The following DLG4 variants were observed in gnomAD, a reference collection of about 807,000 sequenced individuals.
DLG4 encodes the protein disks large homolog 4.
In DLG4, 7 loss-of-function variants were observed where a neutral mutation model predicts 93.8. The observed-to-expected ratio is 0.07, with a 90% CI of 0.04 to 0.14. DLG4 has a LOEUF of 0.14. Among genes scored for constraint, DLG4 ranks in the 10% least tolerant of loss-of-function variants. DLG4 has a pLI of 1.00. For missense variants in DLG4, 545 were observed against 992.9 expected, an observed-to-expected ratio of 0.55 and a Z score of 6.06; for synonymous variants, 341 against 387.6, an observed-to-expected ratio of 0.88 and a Z score of 1.41.
chr17:7,204,884 CTCTAAGGACCGTGTTGCCTAGCAACGGTA>C, intron 2 of DLG4: 1 of 941,066 alleles, frequency 1.1e-6, no homozygotes, highest in Non-Finnish European at 1.3e-6. Context: ...CCACCCCTTC[CTCTAAGGACCGTGTTGCCTAGCAACGGTA>C]TCTAGGACCA....
rs112898533 is a variant in DLG4, at chr17:7,207,477, A to G, written c.96+697T>C. ...CCATGTGAAGTCTCAGGCCAGACAG[A>G]TGGAAAGAGCTGGAGACTTGGGGAC... On this transcript the variant is annotated intron_variant, in intron 2 of 19. Transcript: ENST00000399506. 2.9e-3 allele frequency among the ~76,000 whole-genome samples: 436 copies of G among 151,972 alleles called. 5 individuals carry two copies. Among genetic ancestry groups the G allele is most frequent in the African/African-American group, 9.7e-3 (403 of 41,488 alleles).
rs114091993 is a variant in DLG4 at position 7,195,590 on chromosome 17, A to G, written c.1301+630T>C. On this transcript the variant is annotated intron_variant, in intron 11 of 19. Coordinates refer to ENST00000399506, the MANE Select transcript of DLG4 (RefSeq NM_001321075.3). The surrounding 1 kb of genome is among the most constrained non-coding windows in gnomAD (Gnocchi z 4.3). ...CCAGAAAGCCAATGGCCAGAAGTGC[A>G]GGTCTTGACCTCTGGAAATAGGTCA... Among the ~76,000 whole-genome samples, 1,420 of 152,312 alleles carry G rather than the reference A, an allele frequency of 9.3e-3. 25 individuals are homozygous for G. Among genetic ancestry groups the G allele is most frequent in the African/African-American group, 0.032 (1,316 of 41,566 alleles).
chr17:7,216,006 G>C (rs1426998534), intron 1 of DLG4, among the ~76,000 whole-genome samples: 1 of 150,954 alleles, frequency 6.6e-6, no homozygotes, highest in Admixed American at 6.6e-5. Context: ...ATCCCACCAG[G>C]AGCTCGCCTG....
rs2069671251 is a variant in DLG4, at chr17:7,194,561, C to T, written c.1302-66G>A. 13 of 1,526,802 alleles carry T rather than the reference C, an allele frequency of 8.5e-6. No homozygotes were observed. The East Asian group carries it at 3.2e-4, about 37-fold the overall frequency. The allele number at this position is 1,526,802 out of a possible 1,614,324, so 94.6% of individuals were successfully genotyped here. A position where few individuals can be genotyped will look rare whatever the true frequency, so the allele number is the denominator to read the frequency against. On this transcript the variant is annotated intron_variant, in intron 11 of 19. Coordinates refer to ENST00000399506, the MANE Select transcript of DLG4 (RefSeq NM_001321075.3). This position sits in a 1 kb window ranked among gnomAD's most constrained non-coding sequence, Gnocchi z 4.4. ...CTCCAGGAAGGATGCCCCAGTCACCCAAAGACCCGGCCCAGAGGTCTGCAG... is the reference window on the plus strand; with the variant it reads ...CTCCAGGAAGGATGCCCCAGTCACCTAAAGACCCGGCCCAGAGGTCTGCAG...
intron 17 of DLG4, 61 bp from the exon 18 acceptor site, chr17:7,192,063 G>A: frequency 4.2e-6 from 4 of 956,526 alleles, no homozygotes; most frequent in Non-Finnish European, 6.0e-6. Flanking sequence ...ACAGAGAGCA[G>A]TGCCGGAGGG....
upstream of DLG4, chr17:7,219,375 G>A: frequency 9.9e-7 from 1 of 1,011,620 alleles, no homozygotes; most frequent in Non-Finnish European, 1.2e-6. Context: ...TTTACTAAGG[G>A]AGGGGCAGTG....
At chr17:7,204,411 ACACACACGCACACGCGTGCACATG>A in intron 2 of DLG4, 159 bp from the exon 3 acceptor site, 1 of 646,868 alleles carries the variant, frequency 1.5e-6, no homozygotes, top group Non-Finnish European at 2.7e-6. Flanking sequence ...AATCCACATC[ACACACACGCACACGCGTGCACATG>A]CGCACGCGCA....
chr17:7,197,300 C>T (rs2069844471), intron 8 of DLG4, among the ~76,000 whole-genome samples: 1 of 151,884 alleles, frequency 6.6e-6, no homozygotes, highest in Non-Finnish European at 1.5e-5. Context: ...CTCAGTATGC[C>T]AGGGATGGGG....
At chr17:7,219,775 C>G, upstream of DLG4, 5 of 1,488,628 alleles carry the variant, frequency 3.4e-6, no homozygotes, top group Non-Finnish European at 4.5e-6. Context: ...TTGGGGGAGA[C>G]GAGGGACGCT....
chr17:7,209,721 G>C (rs1469193248), intron 1 of DLG4, among the ~76,000 whole-genome samples: 1 of 152,178 alleles, frequency 6.6e-6, no homozygotes, highest in Admixed American at 6.5e-5. Flanking sequence ...AGTGAGCCAT[G>C]ATCACGCCAC....
Position 7,189,285 on chromosome 17 carries a change from T to A in DLG4, c.*1423A>T, listed in dbSNP as rs1000710148. On this transcript the variant is annotated 3_prime_UTR_variant, in exon 20 of 20. Transcript: ENST00000399506. ...GGCGGGTGGATAACAAGGTCAGGAGTTCAAGACCAGCCTGACCAACATGGT... is the reference window on the plus strand; with the variant it reads ...GGCGGGTGGATAACAAGGTCAGGAGATCAAGACCAGCCTGACCAACATGGT... Among the ~76,000 whole-genome samples, 11 of 149,424 alleles carry A rather than the reference T, an allele frequency of 7.4e-5. No individual in the cohort carries two copies. The highest frequency in any genetic ancestry group is 1.6e-4 in the Non-Finnish European group (11 of 67,268).
At chr17:7,207,981 C>T in intron 2 of DLG4, 193 bp downstream of exon 2, 2 of 1,090,124 alleles carry the variant, frequency 1.8e-6, no homozygotes. Context: ...TCCCCCTCCC[C>T]ACGGCTCTCT....
Position 7,193,626 on chromosome 17 carries a change from G to T in DLG4, c.1591+41C>A. On this transcript the variant is annotated intron_variant, in intron 15 of 19. Coordinates refer to ENST00000399506, the MANE Select transcript of DLG4 (RefSeq NM_001321075.3). This position sits in a 1 kb window ranked among gnomAD's most constrained non-coding sequence, Gnocchi z 6.7. ...GCTTAGGCCGAGCGCAGGGTTGGGG[G>T]AGCAGCAAGTGCTGGGGCCAAGGCA... The T allele has an allele frequency of 6.5e-7, 1 of 1,530,376 alleles. No individual in the cohort carries two copies. The highest frequency in any genetic ancestry group is 8.8e-7 in the Non-Finnish European group (1 of 1,141,284). 94.8% of individuals were successfully genotyped at this position (1,530,376 alleles called of 1,614,324 possible). A position where few individuals can be genotyped will look rare whatever the true frequency, so the allele number is the denominator to read the frequency against.
At chr17:7,200,901 C>T (rs1335382409) in intron 8 of DLG4, among the ~76,000 whole-genome samples, 1 of 145,576 alleles carries the variant, frequency 6.9e-6, no homozygotes, top group Non-Finnish European at 1.5e-5. Flanking sequence ...GCTCTATCGC[C>T]CAGGCTGGAG....
At position 7,196,226 on chromosome 17, in the gene DLG4, T is replaced by C; in HGVS notation, c.1295A>G (p.Tyr432Cys). Residue 432 changes from tyrosine (Y) to cysteine (C), a missense_variant, in exon 11 of 20, where the codon TAC (tyrosine) becomes TGC (cysteine). Tyr to Cys is a radical substitution (Grantham distance 194, BLOSUM62 -2). This residue lies in a region of DLG4 where 428 missense variants were observed against 741.4 expected (regional missense o/e 0.58). Transcript: ENST00000399506. The surrounding 1 kb of genome is among the most constrained non-coding windows in gnomAD (Gnocchi z 8.3). ...AGCCCGGGAAGCCTCTGACCTGATGTAGAAACCCCTTTTGGGGTTGCTCCG... is the reference window on the plus strand; with the variant it reads ...AGCCCGGGAAGCCTCTGACCTGATGCAGAAACCCCTTTTGGGGTTGCTCCG... The part of the protein sequence containing the change: ...SLRSNPKRGF[Y>C]IRALFDYDKT... 1 of 1,613,136 alleles carries C rather than the reference T, an allele frequency of 6.2e-7. No individual in the cohort carries two copies. The highest frequency in any genetic ancestry group is 8.5e-7 in the Non-Finnish European group (1 of 1,179,250).
Position 7,189,500 on chromosome 17 carries a change from C to A in DLG4, c.*1208G>T, listed in dbSNP as rs1295129146. Among the ~76,000 whole-genome samples, 4 of 150,794 alleles carry A rather than the reference C, an allele frequency of 2.7e-5. No individual in the cohort carries two copies. Among genetic ancestry groups the A allele is most frequent in the African/African-American group, 7.4e-5 (3 of 40,766 alleles). Reference sequence around the variant, plus strand: ...CAAGACTCTGTCTCAAAAAAAAAAACAAAAAAACAAAAAAAATCATTTCCA... The same window carrying A: ...CAAGACTCTGTCTCAAAAAAAAAAAAAAAAAAACAAAAAAAATCATTTCCA... On this transcript the variant is annotated 3_prime_UTR_variant, in exon 20 of 20. Coordinates refer to ENST00000399506, the MANE Select transcript of DLG4 (RefSeq NM_001321075.3).
In DLG4 at chr17:7,196,739, G is replaced by T. The variant is rs375667428; in HGVS notation, c.1083+18C>A. The T allele has an allele frequency of 6.3e-7, 1 of 1,594,316 alleles. No homozygotes were observed. The highest frequency in any genetic ancestry group is 1.3e-5 in the African/African-American group (1 of 74,488). On this transcript the variant is annotated intron_variant, in intron 9 of 19. Coordinates refer to ENST00000399506, the MANE Select transcript of DLG4 (RefSeq NM_001321075.3). The surrounding 1 kb of genome is among the most constrained non-coding windows in gnomAD (Gnocchi z 8.3). ...TGTGGGGAGGGGGTGGTGCAGGTAGGGGCAGGCCTTCCCTCACCGACAGGA... is the reference window on the plus strand; with the variant it reads ...TGTGGGGAGGGGGTGGTGCAGGTAGTGGCAGGCCTTCCCTCACCGACAGGA...
At chr17:7,198,385 A>G (rs892583854) in intron 8 of DLG4, among the ~76,000 whole-genome samples, 1 of 151,416 alleles carries the variant, frequency 6.6e-6, no homozygotes, top group Non-Finnish European at 1.5e-5. Flanking sequence ...CGGGAGGCTG[A>G]GGCAGGAGAA....
Position 7,204,258 on chromosome 17 carries a change from T to G in DLG4, c.97-6A>C. ...ATCACTGGGGGAGAATTGGCCTGTT[T>G]GGGAAAACAAGAGACAAAAAGCAGC... On this transcript the variant is annotated splice_region_variant and splice_polypyrimidine_tract_variant and intron_variant, in intron 2 of 19. Coordinates refer to ENST00000399506, the MANE Select transcript of DLG4 (RefSeq NM_001321075.3). The G allele has an allele frequency of 6.3e-7, 1 of 1,582,910 alleles. No homozygotes were observed. Among genetic ancestry groups the G allele is most frequent in the Non-Finnish European group, 8.6e-7 (1 of 1,162,878 alleles).
Sources: allele counts gnomAD v4.1 joint callset (sites outside exome capture counted in the v4.1 genomes callset), GRCh38; gene constraint gnomAD v4.1.1; regional missense constraint gnomAD v4.1.1; non-coding constraint Gnocchi (gnomAD v3.1); transcripts MANE v1.5; gene names NCBI Gene and HGNC (gene_info 2026-07-23, HGNC 2026-07-21).